Variants in OR5M1 observed in about 807,000 individuals in gnomAD.
The protein encoded by OR5M1 is olfactory receptor 5M1.
For missense variants in OR5M1, 367 were observed against 379.5 expected (o/e 0.97, Z 0.27); for synonymous variants, 165 against 144.2 (o/e 1.14, Z -1.04).
At position 56,610,342 on chromosome 11, in the gene OR5M1, T is replaced by C. The variant is rs1475170182; in HGVS notation, c.*2213A>G. 6.6e-6 allele frequency: 1 copy of C among 152,126 alleles called. No homozygotes were observed. Among genetic ancestry groups the C allele is most frequent in the African/African-American group, 2.4e-5 (1 of 41,462 alleles). 9.4% of individuals were successfully genotyped at this position (152,126 alleles called of 1,614,324 possible). A position where few individuals can be genotyped will look rare whatever the true frequency, so the allele number is the denominator to read the frequency against. On this transcript the variant is annotated 3_prime_UTR_variant, in exon 2 of 2. Transcript: ENST00000641076. ...ATTTTCAAGGGAAATTCTCATTAGC[T>C]ATTCTTAGGATACATATAACTATCA... is the stretch of plus-strand genomic sequence containing the variant.
In OR5M1 at chr11:56,612,627, T is replaced by C. The variant is rs1292477377; in HGVS notation, c.876A>G (p.Leu292=). 2.5e-6 allele frequency: 4 copies of C among 1,613,134 alleles called. No individual in the cohort carries two copies. Among genetic ancestry groups the C allele is most frequent in the East Asian group, 2.2e-5 (1 of 44,876 alleles). ...TGGCAAGGATTACATCTGTGTTCCGTAGGCTATAGATCAATGGGTTCAGCA... is the reference window on the plus strand; with the variant it reads ...TGGCAAGGATTACATCTGTGTTCCGCAGGCTATAGATCAATGGGTTCAGCA... The part of the protein sequence containing the change: ...SPMLNPLIYS[L]RNTDVILAMQ... The change falls in exon 2 of 2, where the codon CTA becomes CTG. Residue 292 remains leucine, a synonymous_variant. Coordinates refer to ENST00000641076, the MANE Select transcript of OR5M1 (RefSeq NM_001004740.2).
Position 56,612,900 on chromosome 11 carries a change from T to A in OR5M1, c.603A>T (p.Val201=). 6.2e-7 allele frequency: 1 copy of A among 1,613,760 alleles called. No homozygotes were observed. Among genetic ancestry groups the A allele is most frequent in the Non-Finnish European group, 8.5e-7 (1 of 1,179,750 alleles). ...DTRVKKMAMF[V]VAGFNLSSSL... ...AGCTTGAGAGATTAAAGCCTGCAAC[T>A]ACAAACATTGCCATCTTTTTGACAC... is the stretch of plus-strand genomic sequence containing the variant. The change falls in exon 2 of 2, where the codon GTA becomes GTT. Residue 201 remains valine (V), a synonymous_variant. Coordinates refer to ENST00000641076, the MANE Select transcript of OR5M1 (RefSeq NM_001004740.2).
chr11:56,614,447 G>A (rs1302646441), intron 1 of OR5M1, among the ~76,000 whole-genome samples: 2 of 152,106 alleles, frequency 1.3e-5, no homozygotes, highest in Non-Finnish European at 2.9e-5. Flanking sequence ...TTTGGGGAAA[G>A]TGTGGATTTT....
At position 56,613,220 on chromosome 11, in the gene OR5M1, C is replaced by T. The variant is rs767654423; in HGVS notation, c.283G>A (p.Ala95Thr). Residue 95 changes from alanine (A) to threonine (T), a missense_variant, in exon 2 of 2, where the codon GCT becomes ACT. Coordinates refer to ENST00000641076, the MANE Select transcript of OR5M1 (RefSeq NM_001004740.2). ...AGAAGACACTGTGTGAAGCATCCAG[C>T]GTAGGAGATGGTCTTCTGTTCTGAG... ...FLSEQKTISY[A>T]GCFTQCLLFI... The T allele has an allele frequency of 8.1e-6, 13 of 1,613,502 alleles. No homozygotes were observed. The highest frequency in any genetic ancestry group is 5.3e-5 in the African/African-American group (4 of 74,870).
Position 56,612,510 on chromosome 11 carries a change from G to C in OR5M1, c.*45C>G. The C allele has an allele frequency of 2.1e-6, 3 of 1,456,430 alleles. No individual in the cohort carries two copies. The highest frequency in any genetic ancestry group is 2.8e-6 in the Non-Finnish European group (3 of 1,074,818). The allele number at this position is 1,456,430 out of a possible 1,614,324, so 90.2% of individuals were successfully genotyped here. ...CTAGGTTTTTCCATTTCAAAAGCCA[G>C]TTTGTTACTCCACAAGCAATTCGTG... On this transcript the variant is annotated 3_prime_UTR_variant, in exon 2 of 2. Coordinates refer to ENST00000641076, the MANE Select transcript of OR5M1 (RefSeq NM_001004740.2).
At chr11:56,613,953 C>A (rs1318240671) in intron 1 of OR5M1, among the ~76,000 whole-genome samples, 1 of 152,096 alleles carries the variant, frequency 6.6e-6, no homozygotes. Context: ...CTTTATTATA[C>A]CTCCAGCTCT....
rs542122681 is a variant in OR5M1 at position 56,609,850 on chromosome 11, A to G, written c.*2705T>C. The stretch of plus-strand genomic sequence containing the variant: ...TTATGTATGTCAATATGGTTCAGTC[A>G]GTTTTCTACAATTGATATGTATTAT... On this transcript the variant is annotated 3_prime_UTR_variant, in exon 2 of 2. Transcript: ENST00000641076. The G allele has an allele frequency of 6.6e-6, 1 of 150,826 alleles. No homozygotes were observed. The highest frequency in any genetic ancestry group is 1.9e-4 in the East Asian group (1 of 5,182). 9.3% of individuals were successfully genotyped at this position (150,826 alleles called of 1,614,324 possible). A position where few individuals can be genotyped will look rare whatever the true frequency, so the allele number is the denominator to read the frequency against.
At position 56,611,657 on chromosome 11, in the gene OR5M1, G is replaced by A. The variant is rs540788118; in HGVS notation, c.*898C>T. The A allele has an allele frequency of 2.6e-5, 4 of 152,102 alleles. No homozygotes were observed. The highest frequency in any genetic ancestry group is 5.9e-5 in the Non-Finnish European group (4 of 67,974). The allele number at this position is 152,102 out of a possible 1,614,324, so 9.4% of individuals were successfully genotyped here. ...TCTATAGCAGCTTCAAGAACTACTA[G>A]AACACCCTTATTTTAAAAATAATGG... On this transcript the variant is annotated 3_prime_UTR_variant, in exon 2 of 2. Coordinates refer to ENST00000641076, the MANE Select transcript of OR5M1 (RefSeq NM_001004740.2).
intron 1 of OR5M1, among the ~76,000 whole-genome samples, chr11:56,613,970 G>T (rs1482235549): frequency 6.6e-6 from 1 of 152,072 alleles, no homozygotes; most frequent in Non-Finnish European, 1.5e-5. Flanking sequence ...CTCTGATATT[G>T]TATTGTTTCA....
chr11:56,613,553 T>C lies in OR5M1; in HGVS notation c.-17-34A>G. 8 of 1,530,378 alleles carry C rather than the reference T, an allele frequency of 5.2e-6. No individual in the cohort carries two copies. The South Asian group carries it at 8.3e-5, about 16-fold the overall frequency. 94.8% of individuals were successfully genotyped at this position (1,530,378 alleles called of 1,614,324 possible). ...GACAAAGAATGTGAGGATTTCTCTC[T>C]GATTCAGATTTGGCATTTGTTTCAT... On this transcript the variant is annotated intron_variant, in intron 1 of 1. Transcript: ENST00000641076.
intron 1 of OR5M1, among the ~76,000 whole-genome samples, chr11:56,614,369 T>C (rs1226177349): frequency 2.0e-5 from 3 of 152,202 alleles, no homozygotes; most frequent in African/African-American, 4.8e-5. Flanking sequence ...AGGATGCTTT[T>C]AGATGACCAC....
Position 56,613,046 on chromosome 11 carries a change from A to G in OR5M1, c.457T>C (p.Phe153Leu), listed in dbSNP as rs904196431. 13 of 1,612,482 alleles carry G rather than the reference A, an allele frequency of 8.1e-6. No individual in the cohort carries two copies. The highest frequency in any genetic ancestry group is 1.3e-5 in the African/African-American group (1 of 74,818). The change falls in exon 2 of 2, where the codon TTT (phenylalanine) becomes CTT (leucine). Residue 153 changes from phenylalanine to leucine, a missense_variant. Transcript: ENST00000641076. ...CLVTIPYMYG[F>L]LSGFSQSLLT... is the part of the protein sequence containing the mutation. The stretch of plus-strand genomic sequence containing the variant: ...AGTGACTGAGAGAACCCACTAAGAA[A>G]CCCATACATGTAAGGGATAGTGACC...
chr11:56,613,410 G>T lies in OR5M1; in HGVS notation c.93C>A (p.Phe31Leu), dbSNP rs1337465795. The T allele has an allele frequency of 8.7e-6, 14 of 1,613,498 alleles. No individual in the cohort carries two copies. Among genetic ancestry groups the T allele is most frequent in the Non-Finnish European group, 1.1e-5 (13 of 1,179,638 alleles). ...CCAGTGTGATTAGGTAGATCGCAAGGAATACCCCAAACAGGATCTTCTCTA... is the reference window on the plus strand; with the variant it reads ...CCAGTGTGATTAGGTAGATCGCAAGTAATACCCCAAACAGGATCTTCTCTA... ...PVLEKILFGV[F>L]LAIYLITLAG... Residue 31 changes from phenylalanine (F) to leucine (L), a missense_variant, in exon 2 of 2, where the codon TTC becomes TTA. Phe to Leu is a conservative substitution (Grantham distance 22). Transcript: ENST00000641076.
rs1590536656 is a variant in OR5M1 at position 56,609,881 on chromosome 11, T to C, written c.*2674A>G. 6.6e-6 allele frequency: 1 copy of C among 152,152 alleles called. No individual in the cohort carries two copies. The highest frequency in any genetic ancestry group is 1.9e-4 in the East Asian group (1 of 5,186). The allele number at this position is 152,152 out of a possible 1,614,324, so 9.4% of individuals were successfully genotyped here. A position where few individuals can be genotyped will look rare whatever the true frequency, so the allele number is the denominator to read the frequency against. ...CTACAATTGATATGTATTATTATTG[T>C]ATTAAGGTCATATGATCTAACTATT... On this transcript the variant is annotated 3_prime_UTR_variant, in exon 2 of 2. Transcript: ENST00000641076.
Position 56,613,387 on chromosome 11 carries a change from A to G in OR5M1, c.116T>C (p.Leu39Pro), listed in dbSNP as rs1162466540. Residue 39 changes from leucine (L) to proline (P), a missense_variant, in exon 2 of 2, where the codon CTG becomes CCG. Leu to Pro is a moderately conservative substitution (Grantham distance 98, BLOSUM62 -3). Transcript: ENST00000641076. ...CAGGATCATGCACAGGTTGCCTGCC[A>G]GTGTGATTAGGTAGATCGCAAGGAA... ...GVFLAIYLIT[L>P]AGNLCMILLI... 6.2e-7 allele frequency: 1 copy of G among 1,613,580 alleles called. No individual in the cohort carries two copies. The highest frequency in any genetic ancestry group is 1.7e-5 in the Admixed American group (1 of 59,964).
Position 56,614,604 on chromosome 11 carries a change from T to C in OR5M1, c.-18+253A>G, listed in dbSNP as rs1170221865. Reference sequence around the variant, plus strand: ...AGTAACATAAGATTGTAAAAATTTCTACTCCAAAAATTCCACCTTAAAGCC... The same window carrying C: ...AGTAACATAAGATTGTAAAAATTTCCACTCCAAAAATTCCACCTTAAAGCC... On this transcript the variant is annotated intron_variant, in intron 1 of 1. Coordinates refer to ENST00000641076, the MANE Select transcript of OR5M1 (RefSeq NM_001004740.2). 3.3e-5 allele frequency among the ~76,000 whole-genome samples: 5 copies of C among 152,178 alleles called. No homozygotes were observed. In the South Asian group the frequency reaches 6.2e-4, roughly 19 times the overall value.
chr11:56,612,844 A>T lies in OR5M1; in HGVS notation c.659T>A (p.Phe220Tyr), dbSNP rs1565023742. 6.2e-7 allele frequency: 1 copy of T among 1,613,662 alleles called. No individual in the cohort carries two copies. Among genetic ancestry groups the T allele is most frequent in the Non-Finnish European group, 8.5e-7 (1 of 1,179,774 alleles). ...GATCCTGAAGATCGCTGCAAAAATG[A>T]AAAGATAGGACAGAAGAATGATGAA... ...SLFIILLSYL[F>Y]IFAAIFRIRS... Residue 220 changes from phenylalanine (F) to tyrosine (Y), a missense_variant, in exon 2 of 2, where the codon TTC becomes TAC. Coordinates refer to ENST00000641076, the MANE Select transcript of OR5M1 (RefSeq NM_001004740.2).
Position 56,613,497 on chromosome 11 carries a change from G to A in OR5M1, c.6C>T (p.Phe2=), listed in dbSNP as rs765404591. 6.2e-7 allele frequency: 1 copy of A among 1,610,260 alleles called. No homozygotes were observed. The highest frequency in any genetic ancestry group is 1.3e-5 in the African/African-American group (1 of 74,946). M[F]SPNHTIVTEF... is the part of the protein sequence containing the mutation. ...CTGTCACTATGGTGTGGTTTGGGGA[G>A]AACATCTTCTTATCTCTTGAAACTG... Residue 2 remains phenylalanine (F), a synonymous_variant, in exon 2 of 2, where the codon TTC becomes TTT. Transcript: ENST00000641076.
chr11:56,610,436 A>G lies in OR5M1; in HGVS notation c.*2119T>C, dbSNP rs1281949658. 1 of 152,062 alleles carries G rather than the reference A, an allele frequency of 6.6e-6. No individual in the cohort carries two copies. The highest frequency in any genetic ancestry group is 2.4e-5 in the African/African-American group (1 of 41,440). The allele number at this position is 152,062 out of a possible 1,614,324, so 9.4% of individuals were successfully genotyped here. On this transcript the variant is annotated 3_prime_UTR_variant, in exon 2 of 2. Coordinates refer to ENST00000641076, the MANE Select transcript of OR5M1 (RefSeq NM_001004740.2). ...CATAATCTCCAACATTCCACCAAGC[A>G]TTTGCAGTGTTTTGAGAATTTCTTT...
Sources: allele counts gnomAD v4.1 joint callset (sites outside exome capture counted in the v4.1 genomes callset), GRCh38; gene constraint gnomAD v4.1.1; transcripts MANE v1.5; gene names NCBI Gene and HGNC (gene_info 2026-07-23, HGNC 2026-07-21).